The following GSK3B variants were observed in gnomAD, a reference collection of about 807,000 sequenced individuals.
GSK3B encodes glycogen synthase kinase 3 beta, also known as glycogen synthase kinase-3 beta.
A neutral mutation model predicts 56.4 loss-of-function variants in GSK3B; 15 were observed. The observed-to-expected ratio is 0.27, with a 90% CI of 0.18 to 0.41. The LOEUF is 0.41. Ranked by LOEUF, GSK3B falls within the 10% of genes least tolerant of loss-of-function variation. The probability of loss-of-function intolerance (pLI) is 1.00; values close to 1 mark genes in which losing one functional copy is unlikely to be tolerated. For missense variants in GSK3B, 300 were observed against 513.4 expected (o/e 0.58, Z 4.02); for synonymous variants, 181 against 188.9 (o/e 0.96, Z 0.34).
At chr3:119,868,123 GAAAAGA>G (rs1264797663) in intron 8 of GSK3B, among the ~76,000 whole-genome samples, 3 of 149,694 alleles carry the variant, frequency 2.0e-5, no homozygotes, top group African/African-American at 7.4e-5. Flanking sequence ...GAAGAAGAAA[GAAAAGA>G]AAAAGAGGAA....
At chr3:120,055,332 A>T (rs1176136658) in intron 1 of GSK3B, among the ~76,000 whole-genome samples, 2 of 152,178 alleles carry the variant, frequency 1.3e-5, no homozygotes, top group Non-Finnish European at 2.9e-5. Context: ...TGTATACTCA[A>T]CTAGCATTTT....
intron 1 of GSK3B, among the ~76,000 whole-genome samples, chr3:120,037,278 A>G (rs902208993): frequency 6.6e-6 from 1 of 152,236 alleles, no homozygotes; most frequent in Non-Finnish European, 1.5e-5. Flanking sequence ...TGGTCCCTCT[A>G]TCCACTCTAG....
At chr3:119,862,100 TTTA>T (rs1333061313) in intron 9 of GSK3B, among the ~76,000 whole-genome samples, 1 of 151,886 alleles carries the variant, frequency 6.6e-6, no homozygotes, top group African/African-American at 2.4e-5. Flanking sequence ...TTTTTTTTTT[TTTA>T]AAAGAAACTT....
chr3:120,035,079 TGA>T (rs2058010943), intron 1 of GSK3B, among the ~76,000 whole-genome samples: 1 of 151,288 alleles, frequency 6.6e-6, no homozygotes, highest in Admixed American at 6.6e-5. Context: ...GGCGAGAGAG[TGA>T]GACTCCATCT....
chr3:120,075,520 A>G (rs141647417), intron 1 of GSK3B, among the ~76,000 whole-genome samples: 9 of 152,364 alleles, frequency 5.9e-5, no homozygotes, highest in African/African-American at 1.9e-4. Flanking sequence ...TAGATTGAAT[A>G]AATTAATTTA....
At chr3:120,082,741 A>G (rs1012843411) in intron 1 of GSK3B, among the ~76,000 whole-genome samples, 3 of 151,982 alleles carry the variant, frequency 2.0e-5, no homozygotes, top group Non-Finnish European at 2.9e-5. Context: ...TAGGTTATAA[A>G]GATTTACTAC....
chr3:119,923,513 A>G, intron 3 of GSK3B, 30 bp from the exon 4 acceptor site: 2 of 1,092,504 alleles, frequency 1.8e-6, no homozygotes, highest in Non-Finnish European at 2.7e-6. Flanking sequence ...AAAACAAAAA[A>G]CAAAACAGAT....
At chr3:120,055,570 T>C (rs1420201395) in intron 1 of GSK3B, among the ~76,000 whole-genome samples, 3 of 152,208 alleles carry the variant, frequency 2.0e-5, no homozygotes, top group Non-Finnish European at 4.4e-5. Flanking sequence ...GGCAATTTGT[T>C]GTAAAACTGG....
At chr3:120,003,249 G>A (rs750883112) in intron 1 of GSK3B, among the ~76,000 whole-genome samples, 2 of 152,048 alleles carry the variant, frequency 1.3e-5, no homozygotes, top group Admixed American at 1.3e-4. Context: ...GCAATCCAAC[G>A]GCTCTCTTCA....
At chr3:120,000,918 CTTTTTTTTTTTT>C (rs71156781) in intron 2 of GSK3B, among the ~76,000 whole-genome samples, 2,055 of 91,176 alleles carry the variant, frequency 0.023, 77 homozygotes, top group African/African-American at 0.083. Context: ...ATGTAATCTC[CTTTTTTTTTTTT>C]TTTTTTTTTT....
intron 10 of GSK3B, among the ~76,000 whole-genome samples, chr3:119,828,869 C>G (rs373570755): frequency 6.6e-6 from 1 of 152,302 alleles, no homozygotes; most frequent in African/African-American, 2.4e-5. Context: ...ATAGCTAAAG[C>G]TGCTTCTAAT....
At chr3:120,062,022 A>G (rs565770528) in intron 1 of GSK3B, among the ~76,000 whole-genome samples, 2 of 152,076 alleles carry the variant, frequency 1.3e-5, no homozygotes, top group Admixed American at 6.5e-5. Flanking sequence ...ATAAGCCACC[A>G]TTTCCGGCCA....
At chr3:120,006,245 A>C (rs1443238831) in intron 1 of GSK3B, among the ~76,000 whole-genome samples, 1 of 152,224 alleles carries the variant, frequency 6.6e-6, no homozygotes, top group African/African-American at 2.4e-5. Flanking sequence ...CCAATACAAG[A>C]GCACCCAGAT....
At chr3:119,861,389 T>C (rs934289649) in intron 9 of GSK3B, among the ~76,000 whole-genome samples, 4 of 151,756 alleles carry the variant, frequency 2.6e-5, no homozygotes, top group African/African-American at 9.7e-5. Context: ...CAGGAGCCTG[T>C]AATCCCAGCT....
intron 3 of GSK3B, among the ~76,000 whole-genome samples, chr3:119,929,079 AAAGT>A (rs1320487405): frequency 6.6e-6 from 1 of 152,212 alleles, no homozygotes; most frequent in Non-Finnish European, 1.5e-5. Context: ...TATTTCTTGT[AAAGT>A]AAGAGATAAG....
chr3:120,094,092 G>A lies in GSK3B; in HGVS notation c.-658C>T, dbSNP rs892791421. The A allele has an allele frequency of 8.8e-6, 2 of 227,630 alleles. No individual in the cohort carries two copies. The highest frequency in any genetic ancestry group is 1.7e-5 in the Non-Finnish European group (2 of 114,326). 14.1% of individuals were successfully genotyped at this position (227,630 alleles called of 1,614,324 possible). ...CCTCATTGCGCCAGGAGCAGCTGCA[G>A]GCGGCGGCTGGATCCAGCGGCCATG... On this transcript the variant is annotated 5_prime_UTR_variant, in exon 1 of 11. Transcript: ENST00000264235.
intron 2 of GSK3B, among the ~76,000 whole-genome samples, chr3:119,982,366 G>C (rs760078617): frequency 1.2e-4 from 18 of 152,212 alleles, no homozygotes; most frequent in Non-Finnish European, 2.2e-4. Flanking sequence ...GAATGACTTT[G>C]ACGAGTTGAC....
chr3:119,954,204 G>T (rs991294446), intron 2 of GSK3B, among the ~76,000 whole-genome samples: 2 of 150,696 alleles, frequency 1.3e-5, no homozygotes, highest in African/African-American at 4.9e-5. Flanking sequence ...AATCAGCACT[G>T]AGAAGGAAGT....
intron 3 of GSK3B, among the ~76,000 whole-genome samples, chr3:119,937,765 T>C (rs1349515151): frequency 3.3e-5 from 5 of 149,960 alleles, no homozygotes; most frequent in Non-Finnish European, 7.4e-5. Context: ...AAATAAGAAA[T>C]ATATGAATAG....
Sources: gnomAD v4.1 joint callset for allele counts (sites outside exome capture counted in the v4.1 genomes callset) on GRCh38, gnomAD v4.1.1 for gene constraint, MANE v1.5 for transcripts, NCBI Gene and HGNC (gene_info 2026-07-23, HGNC 2026-07-21) for gene names.